Variants in TG observed in about 807,000 individuals in gnomAD.
The protein encoded by TG is thyroglobulin.
Under a neutral mutation model 324.7 loss-of-function variants are expected in TG, and 270 were observed. The observed-to-expected ratio is 0.83, with a 90% CI of 0.75 to 0.92. The LOEUF is 0.92. TG is among the 40% of genes least tolerant of loss of function. The probability of loss-of-function intolerance (pLI) is 0.00; values close to 1 mark genes in which losing one functional copy is unlikely to be tolerated. For missense variants in TG, 3,591 were observed against 3,456.4 expected, an observed-to-expected ratio of 1.04 and a Z score of -0.98; for synonymous variants, 1,401 against 1,327.0, an observed-to-expected ratio of 1.06 and a Z score of -1.21.
chr8:133,018,857 G>T (rs1835301690), intron 38 of TG, among the ~76,000 whole-genome samples: 1 of 152,142 alleles, frequency 6.6e-6, no homozygotes, highest in Admixed American at 6.5e-5. Context: ...GAGCTAGGAG[G>T]CTCTTAAAGT....
intron 41 of TG, among the ~76,000 whole-genome samples, chr8:133,083,405 G>A (rs939459546): frequency 2.6e-5 from 4 of 152,168 alleles, no homozygotes; most frequent in African/African-American, 9.7e-5. Context: ...AATGAATGAG[G>A]TAAATATTCT....
intron 41 of TG, among the ~76,000 whole-genome samples, chr8:133,052,565 A>G (rs759420487): frequency 2.0e-5 from 3 of 152,218 alleles, no homozygotes; most frequent in Non-Finnish European, 4.4e-5. Context: ...GCTGAATTCA[A>G]AAAAGGGATT....
chr8:133,111,144 C>G (rs1850216612), intron 43 of TG, among the ~76,000 whole-genome samples: 1 of 152,204 alleles, frequency 6.6e-6, no homozygotes, highest in Non-Finnish European at 1.5e-5. Flanking sequence ...GCAAAAACCA[C>G]CCATCCTTCC....
intron 41 of TG, chr8:133,038,576 C>T (rs1370641337): frequency 3.1e-6 from 5 of 1,614,130 alleles, no homozygotes; most frequent in Non-Finnish European, 4.2e-6. Context: ...TCTCTTGCTG[C>T]CACCATACAT....
At position 132,928,268 on chromosome 8, in the gene TG, A is replaced by G. The variant is rs1822181798; in HGVS notation, c.4700-808A>G. 2.6e-5 allele frequency among the ~76,000 whole-genome samples: 4 copies of G among 152,218 alleles called. No individual in the cohort carries two copies. In the South Asian group the frequency reaches 8.3e-4, roughly 32 times the overall value. On this transcript the variant is annotated intron_variant, in intron 22 of 47. Coordinates refer to ENST00000220616, the MANE Select transcript of TG (RefSeq NM_003235.5). The stretch of plus-strand genomic sequence containing the variant: ...ATAATTAGTGCTTGTATATATGTTT[A>G]TAATTATGTTTGCAAAAAACCAATA...
chr8:132,917,746 C>T (rs1161385434), intron 20 of TG, among the ~76,000 whole-genome samples: 2 of 151,894 alleles, frequency 1.3e-5, no homozygotes, highest in Admixed American at 6.6e-5. Flanking sequence ...AGCAGAAATG[C>T]GGCTGTCAAT....
At chr8:133,024,210 G>A (rs1372624346) in intron 40 of TG, among the ~76,000 whole-genome samples, 2 of 152,232 alleles carry the variant, frequency 1.3e-5, no homozygotes, top group Admixed American at 6.5e-5. Flanking sequence ...TGTAGTGCAG[G>A]CAGCTCCCTC....
intron 17 of TG, among the ~76,000 whole-genome samples, chr8:132,907,174 A>T (rs1361135837): frequency 6.6e-6 from 1 of 152,134 alleles, no homozygotes; most frequent in African/African-American, 2.4e-5. Context: ...CTTTCTTGGG[A>T]TGTCTTGGAT....
chr8:133,110,221 C>G (rs1850148339), intron 43 of TG, among the ~76,000 whole-genome samples: 2 of 152,164 alleles, frequency 1.3e-5, no homozygotes, highest in Admixed American at 1.3e-4. Flanking sequence ...GGGCATTAGA[C>G]CCACCCAATA....
intron 23 of TG, among the ~76,000 whole-genome samples, chr8:132,932,950 C>A (rs1356307296): frequency 6.6e-6 from 1 of 152,222 alleles, no homozygotes; most frequent in Non-Finnish European, 1.5e-5. Flanking sequence ...AGCTTAGTAA[C>A]TGTACAAGTT....
chr8:132,944,712 GA>G, intron 26 of TG, among the ~76,000 whole-genome samples: 1 of 152,326 alleles, frequency 6.6e-6, no homozygotes, highest in African/African-American at 2.4e-5. Flanking sequence ...TCCAGAGGGA[GA>G]AAAGGATAAT....
chr8:132,893,745 G>C lies in TG; in HGVS notation c.2817G>C (p.Thr939=), dbSNP rs146452691. Residue 939 remains threonine (T), a synonymous_variant, in exon 11 of 48, where the codon ACG becomes ACC. Transcript: ENST00000220616. ...KLRVLQFIRE[T]EEIVSASNSS... is the part of the protein sequence containing the mutation. Reference sequence around the variant, plus strand: ...GTGTACTGCAGTTCATTAGGGAAACGGAAGAGATTGTTTCAGCTTCCAACA... The same window carrying C: ...GTGTACTGCAGTTCATTAGGGAAACCGAAGAGATTGTTTCAGCTTCCAACA... 2 of 1,613,796 alleles carry C rather than the reference G, an allele frequency of 1.2e-6. No homozygotes were observed. The highest frequency in any genetic ancestry group is 1.3e-5 in the African/African-American group (1 of 74,816).
intron 19 of TG, among the ~76,000 whole-genome samples, chr8:132,912,654 C>T (rs1819699310): frequency 6.6e-6 from 1 of 152,108 alleles, no homozygotes; most frequent in South Asian, 2.1e-4. Context: ...AGAGCCATTC[C>T]CAAGCCATTT....
At chr8:132,868,567 A>T (rs915426554) in intron 2 of TG, among the ~76,000 whole-genome samples, 3 of 152,066 alleles carry the variant, frequency 2.0e-5, no homozygotes, top group Non-Finnish European at 2.9e-5. Flanking sequence ...GTGTCAAATG[A>T]TCTGTGCTTT....
intron 43 of TG, chr8:133,106,555 C>CGGGGTCAGTGGAGTGA: frequency 9.7e-6 from 7 of 720,734 alleles, no homozygotes; most frequent in African/African-American, 1.9e-5. Context: ...CATCACTCCA[C>CGGGGTCAGTGGAGTGA]TGACCCCGTG....
At chr8:133,036,113 C>T (rs989307287) in intron 41 of TG, among the ~76,000 whole-genome samples, 1 of 152,210 alleles carries the variant, frequency 6.6e-6, no homozygotes, top group Admixed American at 6.5e-5. Context: ...TGACTCCATA[C>T]ACTTCCTAGA....
At chr8:133,057,995 CA>C (rs1841770157) in intron 41 of TG, among the ~76,000 whole-genome samples, 1 of 152,134 alleles carries the variant, frequency 6.6e-6, no homozygotes, top group African/African-American at 2.4e-5. Flanking sequence ...TCTAATTGCA[CA>C]TTGGCCTAAA....
chr8:133,077,850 T>G (rs545158596), intron 41 of TG, among the ~76,000 whole-genome samples: 3 of 151,758 alleles, frequency 2.0e-5, no homozygotes, highest in African/African-American at 4.8e-5. Flanking sequence ...CCTGACCCCC[T>G]AGACAGCAGG....
intron 43 of TG, among the ~76,000 whole-genome samples, chr8:133,105,028 C>A: frequency 6.6e-6 from 1 of 152,188 alleles, no homozygotes; most frequent in East Asian, 1.9e-4. Flanking sequence ...TCTCCATCTA[C>A]CTCAGAGCTC....
Sources: gnomAD v4.1 joint callset for allele counts (sites outside exome capture counted in the v4.1 genomes callset) on GRCh38, gnomAD v4.1.1 for gene constraint, MANE v1.5 for transcripts, NCBI Gene and HGNC (gene_info 2026-07-23, HGNC 2026-07-21) for gene names.